AGBL4: variants seen among roughly 807,000 people sequenced by gnomAD.
AGBL4 encodes the protein AGBL carboxypeptidase 4.
AGBL4 carries 58 observed loss-of-function variants against 66.4 expected under a neutral mutation model. The observed-to-expected ratio is 0.87, with a 90% CI of 0.71 to 1.09. The LOEUF (loss-of-function observed/expected upper bound fraction) is 1.09, where lower values mean the gene tolerates loss of function less well. Ranked by LOEUF, AGBL4 falls within the 50% of genes least tolerant of loss-of-function variation. The pLI, the probability that AGBL4 is intolerant of heterozygous loss-of-function variation, is 0.00. For missense variants in AGBL4, 579 were observed against 631.0 expected (o/e 0.92, Z 0.88); for synonymous variants, 234 against 222.9 (o/e 1.05, Z -0.44).
At chr1:49,111,524 A>G (rs766649626) in intron 4 of AGBL4, among the ~76,000 whole-genome samples, 3 of 152,164 alleles carry the variant, frequency 2.0e-5, no homozygotes, top group Non-Finnish European at 4.4e-5. Context: ...TAAATATTCA[A>G]TCTTCAGATT....
At chr1:49,356,801 C>T (rs1415281072) in intron 3 of AGBL4, among the ~76,000 whole-genome samples, 1 of 152,110 alleles carries the variant, frequency 6.6e-6, no homozygotes, top group Admixed American at 6.5e-5. Flanking sequence ...GAGTCATTTC[C>T]ATTTAAACAA....
chr1:48,827,174 G>A lies in AGBL4; in HGVS notation c.634+40017C>T, dbSNP rs373631711. Reference sequence around the variant, plus strand: ...GTACTATACTTTCATTTGGTAGAAAGTCTGCAGTATTTGAATTTTAGTTGG... The same window carrying A: ...GTACTATACTTTCATTTGGTAGAAAATCTGCAGTATTTGAATTTTAGTTGG... On this transcript the variant is annotated intron_variant, in intron 6 of 13. Coordinates refer to ENST00000371839, the MANE Select transcript of AGBL4 (RefSeq NM_032785.4). Among the ~76,000 whole-genome samples the A allele has an allele frequency of 1.2e-4, 19 of 152,290 alleles. No homozygotes were observed. The South Asian group carries it at 3.5e-3, about 28-fold the overall frequency.
At chr1:49,848,125 T>G (rs1365286512) in intron 2 of AGBL4, among the ~76,000 whole-genome samples, 1 of 152,242 alleles carries the variant, frequency 6.6e-6, no homozygotes, top group East Asian at 1.9e-4. Context: ...TAGATGTTGT[T>G]GAGGATGCAG....
intron 6 of AGBL4, among the ~76,000 whole-genome samples, chr1:48,827,694 T>C (rs1005501835): frequency 3.3e-5 from 5 of 152,172 alleles, no homozygotes; most frequent in African/African-American, 1.2e-4. Context: ...TTTAAGCGGG[T>C]TGCAAGCAAG....
At position 50,023,928 on chromosome 1, in the gene AGBL4, A is replaced by AGGGGCGCGGGTGGCC; in HGVS notation, c.-133_-132insGGCCACCCGCGCCCC. 1 of 1,079,360 alleles carries AGGGGCGCGGGTGGCC rather than the reference A, an allele frequency of 9.3e-7. No homozygotes were observed. The highest frequency in any genetic ancestry group is 1.3e-6 in the Non-Finnish European group (1 of 790,866). The allele number at this position is 1,079,360 out of a possible 1,614,324, so 66.9% of individuals were successfully genotyped here. ...GACGGTTGCCTGGGCAACGGGCGGC[A>AGGGGCGCGGGTGGCC]GGCGCGCGGGTGGCCGGCGCGCGGC... is the stretch of plus-strand genomic sequence containing the variant. On this transcript the variant is annotated 5_prime_UTR_variant, in exon 1 of 14. Transcript: ENST00000371839.
intron 6 of AGBL4, among the ~76,000 whole-genome samples, chr1:48,719,274 G>A (rs1376876800): frequency 6.6e-6 from 1 of 152,128 alleles, no homozygotes; most frequent in Non-Finnish European, 1.5e-5. Flanking sequence ...CATGAAGGAG[G>A]TGCTCCTCTG....
chr1:49,558,431 C>T (rs1280955041), intron 3 of AGBL4, among the ~76,000 whole-genome samples: 3 of 152,114 alleles, frequency 2.0e-5, no homozygotes, highest in Admixed American at 6.6e-5. Flanking sequence ...CAACTTCTGC[C>T]TGCTGGGTTC....
At chr1:49,148,677 C>T (rs1646267799) in intron 4 of AGBL4, among the ~76,000 whole-genome samples, 1 of 152,202 alleles carries the variant, frequency 6.6e-6, no homozygotes, top group African/African-American at 2.4e-5. Context: ...GAAATTTTCT[C>T]AGTCCTCTTC....
intron 1 of AGBL4, among the ~76,000 whole-genome samples, chr1:49,962,916 T>C (rs1048543636): frequency 1.3e-5 from 2 of 152,144 alleles, no homozygotes; most frequent in African/African-American, 2.4e-5. Context: ...AAAGTAGTTA[T>C]TGGTTGAGAC....
chr1:49,756,890 T>C lies in AGBL4; in HGVS notation c.158-59453A>G, dbSNP rs552663761. Among the ~76,000 whole-genome samples, 5 of 152,220 alleles carry C rather than the reference T, an allele frequency of 3.3e-5. No individual in the cohort carries two copies. In the South Asian group the frequency reaches 1.0e-3, roughly 32 times the overall value. On this transcript the variant is annotated intron_variant, in intron 2 of 13. Coordinates refer to ENST00000371839, the MANE Select transcript of AGBL4 (RefSeq NM_032785.4). ...TTATAAATTACCCAGTCTTGGGCAG[T>C]TCTTTATAGCAGCTGAGAACAAACA...
chr1:49,323,964 T>C (rs997243854), intron 3 of AGBL4, among the ~76,000 whole-genome samples: 1 of 152,314 alleles, frequency 6.6e-6, no homozygotes, highest in Non-Finnish European at 1.5e-5. Context: ...GCCTCTGAAA[T>C]AGAATTAGTC....
At chr1:49,836,624 G>A (rs1645856755) in intron 2 of AGBL4, among the ~76,000 whole-genome samples, 1 of 152,058 alleles carries the variant, frequency 6.6e-6, no homozygotes, top group African/African-American at 2.4e-5. Context: ...CCTTGCTGGC[G>A]AGGAGTTATG....
At chr1:48,772,059 A>C (rs1644862405) in intron 6 of AGBL4, among the ~76,000 whole-genome samples, 1 of 152,202 alleles carries the variant, frequency 6.6e-6, no homozygotes, top group South Asian at 2.1e-4. Flanking sequence ...TGTCTTCCCA[A>C]AGTTGATGAG....
chr1:49,242,631 T>C (rs1482758185), intron 4 of AGBL4, among the ~76,000 whole-genome samples: 2 of 151,980 alleles, frequency 1.3e-5, no homozygotes, highest in African/African-American at 2.4e-5. Context: ...TTAAGAAATA[T>C]TAATGAGTTA....
At chr1:49,768,411 T>A (rs1241693028) in intron 2 of AGBL4, among the ~76,000 whole-genome samples, 1 of 152,108 alleles carries the variant, frequency 6.6e-6, no homozygotes, top group African/African-American at 2.4e-5. Context: ...ATAAACAGAA[T>A]TAAAAACAAA....
chr1:49,953,952 C>T (rs549036130), intron 1 of AGBL4, among the ~76,000 whole-genome samples: 3 of 151,908 alleles, frequency 2.0e-5, no homozygotes, highest in East Asian at 1.9e-4. Context: ...GAGTTGCAGT[C>T]GTGTGATAAT....
rs1646121037 is a variant in AGBL4, at chr1:49,845,639, G to C, written c.157+5757C>G. ...ATCACACCACTGATTCAGCACCAGA[G>C]GACCCACACAGGAGAAAAGCCCTGT... On this transcript the variant is annotated intron_variant, in intron 2 of 13. Transcript: ENST00000371839. 16 of 1,607,970 alleles carry C rather than the reference G, an allele frequency of 1.0e-5. No homozygotes were observed. In the South Asian group the frequency reaches 1.5e-4, roughly 15 times the overall value.
chr1:49,375,492 G>A (rs1471765036), intron 3 of AGBL4, among the ~76,000 whole-genome samples: 2 of 151,970 alleles, frequency 1.3e-5, no homozygotes, highest in African/African-American at 2.4e-5. Flanking sequence ...TAGGACAAAG[G>A]AACCCAGAGC....
intron 6 of AGBL4, among the ~76,000 whole-genome samples, chr1:48,715,066 G>A (rs963996139): frequency 4.6e-5 from 7 of 152,160 alleles, no homozygotes; most frequent in Non-Finnish European, 8.8e-5. Context: ...GGTGGGTGCC[G>A]GTTCAGACAA....
Sources: gnomAD v4.1 joint callset for allele counts (sites outside exome capture counted in the v4.1 genomes callset) on GRCh38, gnomAD v4.1.1 for gene constraint, MANE v1.5 for transcripts, NCBI Gene and HGNC (gene_info 2026-07-23, HGNC 2026-07-21) for gene names.